BRCA2: variants seen among roughly 807,000 people sequenced by gnomAD.
BRCA2 encodes BRCA2 DNA repair associated.
Under a neutral mutation model 276.7 loss-of-function variants are expected in BRCA2, and 203 were observed. That is an observed-to-expected ratio of 0.73 (90% confidence interval 0.65 to 0.82). The LOEUF is 0.82. Ranked by LOEUF, BRCA2 falls within the 40% of genes least tolerant of loss-of-function variation. BRCA2 has a pLI of 0.00. For synonymous variants in BRCA2, 1,289 were observed against 1,338.4 expected (o/e 0.96, Z 0.81); for missense variants, 3,920 against 3,915.0 (o/e 1.00, Z -0.03).
Position 32,398,717 on chromosome 13 carries a change from G to A in BRCA2, c.10204G>A (p.Glu3402Lys), listed in dbSNP as rs276174804. ...ACAGGAGAGTTCCCAGGCCAGTACG[G>A]AAGAATGTGAGAAAAATAAGCAGGA... is the stretch of plus-strand genomic sequence containing the variant. The part of the protein sequence containing the change: ...KEQESSQAST[E>K]ECEKNKQDTI... Residue 3402 changes from glutamate to lysine, a missense_variant, in exon 27 of 27, where the codon GAA becomes AAA. Around this residue, in one of 2 missense-constraint regions of BRCA2, gnomAD observed 657 missense variants for 758.2 expected, o/e 0.87. Coordinates refer to ENST00000380152, the MANE Select transcript of BRCA2 (RefSeq NM_000059.4). The A allele has an allele frequency of 6.2e-7, 1 of 1,613,898 alleles. No homozygotes were observed. Among genetic ancestry groups the A allele is most frequent in the Non-Finnish European group, 8.5e-7 (1 of 1,179,970 alleles).
chr13:32,333,360 C>T lies in BRCA2; in HGVS notation c.1882C>T (p.Pro628Ser), dbSNP rs1163156807. 5 of 1,609,266 alleles carry T rather than the reference C, an allele frequency of 3.1e-6. No homozygotes were observed. Among genetic ancestry groups the T allele is most frequent in the South Asian group, 2.2e-5 (2 of 89,388 alleles). The change falls in exon 10 of 27, where the codon CCA (proline) becomes TCA (serine). Residue 628 changes from proline (P) to serine (S), a missense_variant. By Grantham distance (74) the Pro-to-Ser change is moderately conservative. Around this residue, in one of 2 missense-constraint regions of BRCA2, gnomAD observed 3,263 missense variants for 3,156.9 expected, o/e 1.03. Coordinates refer to ENST00000380152, the MANE Select transcript of BRCA2 (RefSeq NM_000059.4). ...GTTTGAAGCAAATGCTTTTGAAGCA[C>T]CACTTACATTTGCAAATGCTGATTC... ...AQFEANAFEA[P>S]LTFANADSGL...
intron 21 of BRCA2, among the ~76,000 whole-genome samples, chr13:32,378,095 T>C (rs1442680454): frequency 6.6e-6 from 1 of 152,248 alleles, no homozygotes; most frequent in African/African-American, 2.4e-5. Flanking sequence ...CCTCTATCTT[T>C]TATAATATTA....
Position 32,319,272 on chromosome 13 carries a change from T to G in BRCA2, c.263T>G (p.Leu88Arg), listed in dbSNP as rs80358525. ...ATATTCAAAGAGCAAGGGCTGACTC[T>G]GCCGCTGTACCAATCTCCTGTAAAA... ...PIIFKEQGLTLPLYQSPVKEL... is the reference protein window; with the variant it reads ...PIIFKEQGLTRPLYQSPVKEL... The change falls in exon 3 of 27, where the codon CTG becomes CGG. Residue 88 changes from leucine (L) to arginine (R), a missense_variant. Coordinates refer to ENST00000380152, the MANE Select transcript of BRCA2 (RefSeq NM_000059.4). 1 of 1,613,816 alleles carries G rather than the reference T, an allele frequency of 6.2e-7. No individual in the cohort carries two copies. Among genetic ancestry groups the G allele is most frequent in the Non-Finnish European group, 8.5e-7 (1 of 1,179,806 alleles).
In BRCA2 at chr13:32,338,318, TAAC is replaced by T. The variant is rs397507319; in HGVS notation, c.3966_3968del (p.Asn1322del). Reference sequence around the variant, plus strand: ...ACAAGAGAAATACTGAAAATGAAGATAACAAATATACTGCTGCCAGTAGAAATT... The same window carrying T: ...ACAAGAGAAATACTGAAAATGAAGATAAATATACTGCTGCCAGTAGAAATT... On this transcript the variant is annotated inframe_deletion, in exon 11 of 27. Transcript: ENST00000380152. 1.9e-6 allele frequency: 3 copies of T among 1,585,642 alleles called. No individual in the cohort carries two copies. The highest frequency in any genetic ancestry group is 1.7e-6 in the Non-Finnish European group (2 of 1,168,794).
chr13:32,376,927 A>T (rs1030276895), intron 21 of BRCA2, 136 bp downstream of exon 21: 21 of 1,275,066 alleles, frequency 1.6e-5, no homozygotes, highest in Non-Finnish European at 2.1e-5. Flanking sequence ...CATTTCTGGG[A>T]TTTTCAGTGA....
chr13:32,332,637 G>T lies in BRCA2; in HGVS notation c.1159G>T (p.Val387Phe), dbSNP rs869320791. 10 of 1,613,974 alleles carry T rather than the reference G, an allele frequency of 6.2e-6. No individual in the cohort carries two copies. Among genetic ancestry groups the T allele is most frequent in the African/African-American group, 2.7e-5 (2 of 74,926 alleles). The change falls in exon 10 of 27, where the codon GTT becomes TTT. Residue 387 changes from valine (V) to phenylalanine (F), a missense_variant. By Grantham distance (50) the Val-to-Phe change is conservative. Coordinates refer to ENST00000380152, the MANE Select transcript of BRCA2 (RefSeq NM_000059.4). ...ESGSDKISKE[V>F]VPSLACEWSQ... ...TGGAAGTGACAAAATCTCCAAGGAA[G>T]TTGTACCGTCTTTGGCCTGTGAATG...
chr13:32,342,820 C>T (rs1346082612), intron 11 of BRCA2, among the ~76,000 whole-genome samples: 2 of 151,992 alleles, frequency 1.3e-5, no homozygotes, highest in African/African-American at 2.4e-5. Context: ...CTGAGGCAGG[C>T]GGATCACCTG....
chr13:32,330,331 C>T (rs1374899887), intron 8 of BRCA2, among the ~76,000 whole-genome samples: 1 of 152,202 alleles, frequency 6.6e-6, no homozygotes, highest in Non-Finnish European at 1.5e-5. Context: ...CACAATCTCA[C>T]AGATAGATTT....
chr13:32,324,581 A>G (rs1273473809), intron 3 of BRCA2, among the ~76,000 whole-genome samples: 2 of 152,142 alleles, frequency 1.3e-5, no homozygotes, highest in African/African-American at 4.8e-5. Context: ...ATATTGTCAG[A>G]TCTGGTACAT....
In BRCA2 at chr13:32,315,549, C is replaced by T. The variant is rs1472728573; in HGVS notation, c.-158C>T. On this transcript the variant is annotated 5_prime_UTR_variant, in exon 1 of 27. Transcript: ENST00000380152. ...TGGCACTGCTGCGCCTCTGCTGCGCCTCGGGTGTCTTTTGCGGCGGTGGGT... is the reference window on the plus strand; with the variant it reads ...TGGCACTGCTGCGCCTCTGCTGCGCTTCGGGTGTCTTTTGCGGCGGTGGGT... 1.3e-5 allele frequency: 2 copies of T among 152,340 alleles called. No individual in the cohort carries two copies. Among genetic ancestry groups the T allele is most frequent in the Non-Finnish European group, 2.9e-5 (2 of 68,116 alleles). The allele number at this position is 152,340 out of a possible 1,614,324, so 9.4% of individuals were successfully genotyped here. A position where few individuals can be genotyped will look rare whatever the true frequency, so the allele number is the denominator to read the frequency against.
At chr13:32,361,467 A>G (rs1358898900) in intron 16 of BRCA2, among the ~76,000 whole-genome samples, 5 of 152,228 alleles carry the variant, frequency 3.3e-5, no homozygotes, top group Non-Finnish European at 5.9e-5. Flanking sequence ...AGAAGCAGAG[A>G]GAGGGACATT....
chr13:32,336,840 A>G lies in BRCA2; in HGVS notation c.2485A>G (p.Lys829Glu), dbSNP rs1270048702. ...TGTATGTGCTTTAAATGAAAATTAT[A>G]AAAACGTTGAGCTGTTGCCACCTGA... ...QDVCALNENY[K>E]NVELLPPEKY... The change falls in exon 11 of 27, where the codon AAA (lysine) becomes GAA (glutamate). Residue 829 changes from lysine (K) to glutamate (E), a missense_variant. Transcript: ENST00000380152. The G allele has an allele frequency of 1.9e-6, 3 of 1,604,068 alleles. No individual in the cohort carries two copies. The highest frequency in any genetic ancestry group is 2.3e-5 in the South Asian group (2 of 88,174).
chr13:32,327,715 C>CT (rs1481220881), intron 7 of BRCA2, among the ~76,000 whole-genome samples: 2 of 150,076 alleles, frequency 1.3e-5, no homozygotes, highest in African/African-American at 2.4e-5. Context: ...TTAAAAATCT[C>CT]TGAGTAGCTG....
intron 24 of BRCA2, among the ~76,000 whole-genome samples, chr13:32,384,504 A>G (rs2072945392): frequency 2.0e-5 from 3 of 152,120 alleles, no homozygotes; most frequent in African/African-American, 7.2e-5. Context: ...GCAGGTGTAT[A>G]TATTTATGGG....
rs730881595 is a variant in BRCA2, at chr13:32,363,549, C to G, written c.8331+16C>G. On this transcript the variant is annotated intron_variant, in intron 18 of 26. Transcript: ENST00000380152. ...TATGTTAAAGGTAAATTAATTTGCA[C>G]TCTTGGTAAAAATCAGTCATTGATT... The G allele has an allele frequency of 6.2e-5, 99 of 1,600,376 alleles. No homozygotes were observed. Among genetic ancestry groups the G allele is most frequent in the Non-Finnish European group, 8.3e-5 (97 of 1,168,072 alleles).
rs80358726 is a variant in BRCA2 at position 32,326,268 on chromosome 13, C to A, written c.502C>A (p.Pro168Thr). 6.7e-5 allele frequency: 108 copies of A among 1,613,150 alleles called. No homozygotes were observed. The highest frequency in any genetic ancestry group is 4.5e-4 in the Admixed American group (27 of 59,988). Reference protein sequence around the residue: ...SVVCGSLFHTPKFVKGRQTPK... With the variant: ...SVVCGSLFHTTKFVKGRQTPK... ...GGTATGTGGGAGTTTGTTTCATACA[C>A]CAAAGTTTGTGAAGGTAAATATTCT... The change falls in exon 6 of 27, where the codon CCA becomes ACA. Residue 168 changes from proline to threonine, a missense_variant. By Grantham distance (38) the Pro-to-Thr change is conservative (BLOSUM62 -1). Coordinates refer to ENST00000380152, the MANE Select transcript of BRCA2 (RefSeq NM_000059.4).
chr13:32,322,281 T>TA (rs1398667009), intron 3 of BRCA2, among the ~76,000 whole-genome samples: 18 of 152,160 alleles, frequency 1.2e-4, no homozygotes, highest in Admixed American at 1.2e-3. Context: ...CACTTAGCAA[T>TA]ATGCCGAGAC....
intron 11 of BRCA2, 67 bp from the exon 12 acceptor site, chr13:32,344,491 A>G (rs1166984553): frequency 4.6e-6 from 5 of 1,082,882 alleles, no homozygotes; most frequent in African/African-American, 3.2e-5. Flanking sequence ...AAAATGGTCT[A>G]TAGACTTTTG....
intron 16 of BRCA2, among the ~76,000 whole-genome samples, chr13:32,360,579 C>G (rs1474934471): frequency 6.6e-6 from 1 of 152,130 alleles, no homozygotes; most frequent in East Asian, 1.9e-4. Flanking sequence ...AGGTTGGTCT[C>G]AAACTCCTGA....
Sources: gnomAD v4.1 joint callset for allele counts (sites outside exome capture counted in the v4.1 genomes callset) on GRCh38, gnomAD v4.1.1 for gene constraint, gnomAD v4.1.1 regional missense constraint, MANE v1.5 for transcripts, NCBI Gene and HGNC (gene_info 2026-07-23, HGNC 2026-07-21) for gene names.